Variants in RYR3 observed in about 807,000 individuals in gnomAD.
RYR3 encodes the protein ryanodine receptor 3.
Under a neutral mutation model 584.3 loss-of-function variants are expected in RYR3, and 207 were observed. The observed-to-expected ratio is 0.35, with a 90% CI of 0.32 to 0.40. The LOEUF (loss-of-function observed/expected upper bound fraction) is 0.40, where lower values mean the gene tolerates loss of function less well. Ranked by LOEUF, RYR3 falls within the 10% of genes least tolerant of loss-of-function variation. RYR3 has a pLI of 1.00. For missense variants in RYR3, 5,616 were observed against 6,089.2 expected (o/e 0.92, Z 2.59); for synonymous variants, 2,416 against 2,248.5 (o/e 1.07, Z -2.11).
intron 10 of RYR3, among the ~76,000 whole-genome samples, chr15:33,561,430 A>G (rs1462286829): frequency 6.6e-6 from 1 of 152,156 alleles, no homozygotes; most frequent in Admixed American, 6.5e-5. Context: ...CCTGGTTTAA[A>G]TCCTGTCATT....
At chr15:33,746,803 CT>C (rs367738785) in intron 53 of RYR3, among the ~76,000 whole-genome samples, 40,508 of 135,462 alleles carry the variant, frequency 0.3, 5,684 homozygotes, top group East Asian at 0.42. Context: ...TTTCTTTCTT[CT>C]TTTTTTTTTT....
intron 1 of RYR3, among the ~76,000 whole-genome samples, chr15:33,422,046 A>G (rs2044277988): frequency 6.6e-6 from 1 of 152,134 alleles, no homozygotes; most frequent in African/African-American, 2.4e-5. Context: ...ACTTCAGTTC[A>G]TTATTATAAT....
At chr15:33,417,491 C>T (rs990235749) in intron 1 of RYR3, among the ~76,000 whole-genome samples, 2 of 151,886 alleles carry the variant, frequency 1.3e-5, no homozygotes, top group African/African-American at 2.4e-5. Flanking sequence ...TCAGCTTGAC[C>T]GTTATTGGTG....
intron 1 of RYR3, among the ~76,000 whole-genome samples, chr15:33,323,620 A>G (rs1420724929): frequency 6.6e-6 from 1 of 152,184 alleles, no homozygotes; most frequent in Non-Finnish European, 1.5e-5. Flanking sequence ...AAAAATCTAA[A>G]TAGCTCTCCC....
chr15:33,410,669 C>A (rs1470389292), intron 1 of RYR3, among the ~76,000 whole-genome samples: 1 of 152,204 alleles, frequency 6.6e-6, no homozygotes, highest in Non-Finnish European at 1.5e-5. Context: ...ACTGTAAATT[C>A]TTTCAGTCTC....
chr15:33,840,740 C>A, intron 89 of RYR3, 85 bp from the exon 90 acceptor site: 1 of 1,277,796 alleles, frequency 7.8e-7, no homozygotes, highest in Non-Finnish European at 1.1e-6. Flanking sequence ...AATTTGTGAC[C>A]AAGAAGCAAA....
chr15:33,392,650 A>C (rs2042075274), intron 1 of RYR3, among the ~76,000 whole-genome samples: 1 of 152,122 alleles, frequency 6.6e-6, no homozygotes, highest in Non-Finnish European at 1.5e-5. Context: ...TGCCACTTGG[A>C]GGCCTAACAG....
At chr15:33,727,712 G>A (rs1349391248) in intron 46 of RYR3, among the ~76,000 whole-genome samples, 1 of 152,120 alleles carries the variant, frequency 6.6e-6, no homozygotes, top group Non-Finnish European at 1.5e-5. Flanking sequence ...AGTCTGGGCT[G>A]GCTCGGACTT....
chr15:33,320,775 T>C (rs955894726), intron 1 of RYR3, among the ~76,000 whole-genome samples: 3 of 152,202 alleles, frequency 2.0e-5, no homozygotes, highest in Non-Finnish European at 4.4e-5. Context: ...GCTCAACATA[T>C]AGTAAATCCT....
At chr15:33,709,843 A>C (rs1392024441) in intron 43 of RYR3, among the ~76,000 whole-genome samples, 1 of 152,228 alleles carries the variant, frequency 6.6e-6, no homozygotes, top group Non-Finnish European at 1.5e-5. Flanking sequence ...TGGCACTGGT[A>C]AGACATGCGG....
intron 1 of RYR3, among the ~76,000 whole-genome samples, chr15:33,323,779 G>A (rs57740853): frequency 0.14 from 21,540 of 152,058 alleles, 3,336 homozygotes; most frequent in African/African-American, 0.39. Flanking sequence ...TTGGGAGGTG[G>A]TAACTTTGAC....
At position 33,857,785 on chromosome 15, in the gene RYR3, T is replaced by A; in HGVS notation, c.14013T>A (p.Val4671=). The part of the protein sequence containing the change: ...SSVTHNGKQL[V]LTVGLLAVVV... ...CTCTGTCCTCTCATTCCCAGTTGGT[T>A]CTGACTGTCGGTCTCCTGGCCGTGG... is the stretch of plus-strand genomic sequence containing the variant. The change falls in exon 99 of 104, where the codon GTT becomes GTA. Residue 4671 remains valine (V), a synonymous_variant. Transcript: ENST00000634891. 1.2e-6 allele frequency: 2 copies of A among 1,614,050 alleles called. No homozygotes were observed. The highest frequency in any genetic ancestry group is 1.7e-6 in the Non-Finnish European group (2 of 1,179,908).
At position 33,629,926 on chromosome 15, in the gene RYR3, A is replaced by G. The variant is rs372598834; in HGVS notation, c.2680-14A>G. 6 of 1,476,642 alleles carry G rather than the reference A, an allele frequency of 4.1e-6. No homozygotes were observed. The highest frequency in any genetic ancestry group is 1.7e-4 in the Middle Eastern group (1 of 5,792). 91.5% of individuals were successfully genotyped at this position (1,476,642 alleles called of 1,614,324 possible). On this transcript the variant is annotated splice_polypyrimidine_tract_variant and intron_variant, in intron 21 of 103. Coordinates refer to ENST00000634891, the MANE Select transcript of RYR3 (RefSeq NM_001036.6). ...CAAAACTTAAATCACATTCTTTCTT[A>G]TGTCACCACCTAGATACGAGATGAC...
chr15:33,706,008 C>T (rs1047922416), intron 42 of RYR3, among the ~76,000 whole-genome samples: 4 of 152,114 alleles, frequency 2.6e-5, no homozygotes, highest in African/African-American at 9.7e-5. Flanking sequence ...ATGGTGTGTT[C>T]CTACATAACA....
rs761022666 is a variant in RYR3, at chr15:33,739,947, C to T, written c.7772C>T (p.Ser2591Leu). ...RITATLEKQI[S>L]VDADGNFDPK... ...ACAGCCACGTTGGAGAAACAGATCT[C>T]AGTGGATGCGGATGGCAACTTTGAC... is the stretch of plus-strand genomic sequence containing the variant. The change falls in exon 51 of 104, where the codon TCA (serine) becomes TTA (leucine). Residue 2591 changes from serine to leucine, a missense_variant. Physicochemically the swap from Ser to Leu is moderately radical, Grantham distance 145. Coordinates refer to ENST00000634891, the MANE Select transcript of RYR3 (RefSeq NM_001036.6). 3 of 1,613,882 alleles carry T rather than the reference C, an allele frequency of 1.9e-6. No individual in the cohort carries two copies. The Admixed American group carries it at 5.0e-5, about 27-fold the overall frequency.
At chr15:33,794,101 T>TATATATTATATACATAA in intron 67 of RYR3, among the ~76,000 whole-genome samples, 1 of 133,288 alleles carries the variant, frequency 7.5e-6, no homozygotes, top group East Asian at 2.0e-4. Context: ...ATATATATTA[T>TATATATTATATACATAA]ATAAATATAA....
In RYR3 at chr15:33,865,905, T is replaced by TTTTTAGTAACAGCTGTCAGTCAAC. The variant is rs1334472225; in HGVS notation, c.*681_*704dup. On this transcript the variant is annotated 3_prime_UTR_variant, in exon 104 of 104. Coordinates refer to ENST00000634891, the MANE Select transcript of RYR3 (RefSeq NM_001036.6). ...CACTTGAAGGTTATTCATACAAGTTTTTTTAGTAACAGCTGTCAGTCAACT... is the reference window on the plus strand; with the variant it reads ...CACTTGAAGGTTATTCATACAAGTTTTTTTAGTAACAGCTGTCAGTCAACTTTTAGTAACAGCTGTCAGTCAACT... 2.6e-5 allele frequency: 4 copies of TTTTTAGTAACAGCTGTCAGTCAAC among 152,720 alleles called. No individual in the cohort carries two copies. The highest frequency in any genetic ancestry group is 6.5e-5 in the Admixed American group (1 of 15,286). 9.5% of individuals were successfully genotyped at this position (152,720 alleles called of 1,614,324 possible). A position where few individuals can be genotyped will look rare whatever the true frequency, so the allele number is the denominator to read the frequency against.
chr15:33,589,677 T>C (rs1380625045), intron 16 of RYR3, among the ~76,000 whole-genome samples: 7 of 152,208 alleles, frequency 4.6e-5, no homozygotes, highest in African/African-American at 1.7e-4. Flanking sequence ...TTCTTCTGCA[T>C]ATGGCAATCC....
intron 1 of RYR3, among the ~76,000 whole-genome samples, chr15:33,363,385 G>A (rs1480273106): frequency 6.6e-6 from 1 of 152,150 alleles, no homozygotes; most frequent in Non-Finnish European, 1.5e-5. Context: ...TGGCTTAAGA[G>A]CCTTCTCTTC....
Sources: gnomAD v4.1 joint callset for allele counts (sites outside exome capture counted in the v4.1 genomes callset) on GRCh38, gnomAD v4.1.1 for gene constraint, MANE v1.5 for transcripts, NCBI Gene and HGNC (gene_info 2026-07-23, HGNC 2026-07-21) for gene names.